The following CDKAL1 variants were observed in gnomAD, a reference collection of about 807,000 sequenced individuals.
The protein encoded by CDKAL1 is CDKAL1 threonylcarbamoyladenosine tRNA methylthiotransferase, also known as threonylcarbamoyladenosine tRNA methylthiotransferase.
In CDKAL1, 32 loss-of-function variants were observed where a neutral mutation model predicts 68.2. The ratio of observed to expected loss-of-function variants is 0.47; its 90% CI spans 0.35 to 0.63. CDKAL1 has a LOEUF of 0.63. Among genes scored for constraint, CDKAL1 ranks in the 30% least tolerant of loss-of-function variants. The pLI is 0.00. For synonymous variants in CDKAL1, 234 were observed against 244.3 expected, an observed-to-expected ratio of 0.96 and a Z score of 0.39; for missense variants, 606 against 696.7, an observed-to-expected ratio of 0.87 and a Z score of 1.47.
At chr6:20,835,491 CTTG>C (rs1777895887) in intron 8 of CDKAL1, among the ~76,000 whole-genome samples, 2 of 91,344 alleles carry the variant, frequency 2.2e-5, no homozygotes, top group African/African-American at 1.0e-4. Context: ...TTTGTCTTGT[CTTG>C]TCTTGTCTTG....
intron 6 of CDKAL1, 139 bp downstream of exon 6, chr6:20,739,754 T>C: frequency 2.0e-6 from 1 of 505,566 alleles, no homozygotes; most frequent in Non-Finnish European, 3.5e-6. Context: ...TTCCTTATTG[T>C]CCCTGAAACT....
At chr6:20,896,119 TG>T (rs67188805) in intron 9 of CDKAL1, among the ~76,000 whole-genome samples, 42,570 of 133,830 alleles carry the variant, frequency 0.32, 8,760 homozygotes, top group Non-Finnish European at 0.41. Context: ...TTTTTTTTTT[TG>T]AGATGGAGTC....
intron 8 of CDKAL1, among the ~76,000 whole-genome samples, chr6:20,821,424 A>G (rs1326739175): frequency 6.6e-6 from 1 of 152,056 alleles, no homozygotes; most frequent in East Asian, 1.9e-4. Context: ...TGATCACATT[A>G]TTTAACTTTA....
chr6:20,796,515 A>G (rs1272566387), intron 8 of CDKAL1, among the ~76,000 whole-genome samples: 2 of 152,180 alleles, frequency 1.3e-5, no homozygotes, highest in East Asian at 1.9e-4. Flanking sequence ...AGGCAAGGGA[A>G]GTAGAGTTAT....
chr6:20,943,328 C>CAAAAAAAAAAAA (rs34759060), intron 9 of CDKAL1, among the ~76,000 whole-genome samples: 2 of 51,016 alleles, frequency 3.9e-5, no homozygotes, highest in African/African-American at 8.8e-5. Flanking sequence ...CTTGTTTTTT[C>CAAAAAAAAAAAA]AAAAAAAAAA....
chr6:20,952,522 T>G (rs887975001), intron 9 of CDKAL1, among the ~76,000 whole-genome samples: 1 of 152,168 alleles, frequency 6.6e-6, no homozygotes, highest in East Asian at 1.9e-4. Flanking sequence ...TAATGGTGAA[T>G]CCATATCTAT....
chr6:20,734,288 CTTTA>C (rs1220018406), intron 5 of CDKAL1, among the ~76,000 whole-genome samples: 1 of 151,866 alleles, frequency 6.6e-6, no homozygotes, highest in East Asian at 1.9e-4. Context: ...GGGTACCTCT[CTTTA>C]TTTAGAAATA....
chr6:20,860,570 A>T (rs1759559526), intron 9 of CDKAL1, among the ~76,000 whole-genome samples: 1 of 152,168 alleles, frequency 6.6e-6, no homozygotes, highest in Non-Finnish European at 1.5e-5. Flanking sequence ...CACGCCTGTA[A>T]TCACAGCCCT....
intron 10 of CDKAL1, among the ~76,000 whole-genome samples, chr6:20,987,365 T>C (rs1433713334): frequency 6.6e-6 from 1 of 151,904 alleles, no homozygotes; most frequent in African/African-American, 2.4e-5. Context: ...TTCAAGTGAT[T>C]GTCCTCAGCC....
chr6:20,731,806 C>T (rs1260043615), intron 5 of CDKAL1, among the ~76,000 whole-genome samples: 1 of 152,076 alleles, frequency 6.6e-6, no homozygotes, highest in African/African-American at 2.4e-5. Flanking sequence ...TTAGGTTTAC[C>T]TAGAGTTAAA....
intron 9 of CDKAL1, 114 bp from the exon 10 acceptor site, chr6:20,955,305 C>G (rs1344331450): frequency 9.4e-7 from 1 of 1,065,684 alleles, no homozygotes; most frequent in East Asian, 2.4e-5. Context: ...AATTGAATAC[C>G]CAGACTGCCT....
intron 9 of CDKAL1, among the ~76,000 whole-genome samples, chr6:20,865,615 AACTC>A (rs952727205): frequency 2.8e-5 from 3 of 107,828 alleles, no homozygotes; most frequent in African/African-American, 3.2e-5. Context: ...ATTTAAAACT[AACTC>A]TGCTGAAATT....
intron 8 of CDKAL1, among the ~76,000 whole-genome samples, chr6:20,842,351 C>T (rs866951054): frequency 6.6e-6 from 1 of 152,030 alleles, no homozygotes. Flanking sequence ...TTTAAAGAAA[C>T]GTACTCTTGT....
At chr6:20,730,864 G>C (rs1772892191) in intron 5 of CDKAL1, among the ~76,000 whole-genome samples, 1 of 148,514 alleles carries the variant, frequency 6.7e-6, no homozygotes, top group Non-Finnish European at 1.5e-5. Flanking sequence ...AAAAAAAAGA[G>C]AGAAGGAGAA....
chr6:20,625,045 A>G (rs765994603), intron 4 of CDKAL1, among the ~76,000 whole-genome samples: 2 of 152,094 alleles, frequency 1.3e-5, no homozygotes, highest in Non-Finnish European at 2.9e-5. Context: ...ATAATTCAAA[A>G]AGACAATATT....
intron 9 of CDKAL1, among the ~76,000 whole-genome samples, chr6:20,936,343 C>T (rs1763710159): frequency 6.9e-6 from 1 of 145,216 alleles, no homozygotes; most frequent in African/African-American, 2.5e-5. Context: ...CTCCGCCTCC[C>T]GGGTTCACGC....
In CDKAL1 at chr6:20,904,243, G is replaced by A. The variant is rs967394857; in HGVS notation, c.743-51176G>A. Among the ~76,000 whole-genome samples the A allele has an allele frequency of 1.4e-4, 21 of 152,108 alleles. 1 individual carries two copies. Among genetic ancestry groups the A allele is most frequent in the Non-Finnish European group, 2.9e-5 (2 of 68,012 alleles). The stretch of plus-strand genomic sequence containing the variant: ...GATGTGAGTTTCAGGGAATTTAAAG[G>A]TCTAGTCCAGGGCTGGGCATGGTGG... On this transcript the variant is annotated intron_variant, in intron 9 of 15. Transcript: ENST00000274695.
intron 11 of CDKAL1, among the ~76,000 whole-genome samples, chr6:21,054,117 A>G (rs567316290): frequency 2.0e-5 from 3 of 152,270 alleles, no homozygotes; most frequent in Admixed American, 1.3e-4. Context: ...GCACATTGAA[A>G]TATTTTTGTG....
intron 8 of CDKAL1, among the ~76,000 whole-genome samples, chr6:20,784,626 T>C (rs1775591750): frequency 6.6e-6 from 1 of 151,622 alleles, no homozygotes; most frequent in Admixed American, 6.6e-5. Flanking sequence ...GGTTTCACCA[T>C]ATTGGCCAGG....
Sources: gnomAD v4.1 joint callset for allele counts (sites outside exome capture counted in the v4.1 genomes callset) on GRCh38, gnomAD v4.1.1 for gene constraint, MANE v1.5 for transcripts, NCBI Gene and HGNC (gene_info 2026-07-23, HGNC 2026-07-21) for gene names.